The following CSGALNACT1 variants were observed in gnomAD, a reference collection of about 807,000 sequenced individuals.
CSGALNACT1 encodes chondroitin sulfate N-acetylgalactosaminyltransferase 1.
CSGALNACT1 carries 52 observed loss-of-function variants against 51.0 expected under a neutral mutation model. That is an observed-to-expected ratio of 1.02 (90% CI 0.82 to 1.29). The LOEUF (loss-of-function observed/expected upper bound fraction) is 1.29. Ranked by LOEUF, CSGALNACT1 falls within the 50% of genes most tolerant of loss-of-function variation. The pLI, the probability that CSGALNACT1 is intolerant of heterozygous loss-of-function variation, is 0.00. For synonymous variants in CSGALNACT1, 341 were observed against 254.4 expected (o/e 1.34, Z -3.24); for missense variants, 935 against 679.2 (o/e 1.38, Z -4.19).
At chr8:19,733,943 G>A (rs1230726332) in intron 1 of CSGALNACT1, among the ~76,000 whole-genome samples, 2 of 152,098 alleles carry the variant, frequency 1.3e-5, no homozygotes, top group Non-Finnish European at 2.9e-5. Context: ...CCAAACCATA[G>A]AGGAGGCCAG....
chr8:19,652,231 A>G lies in CSGALNACT1; in HGVS notation c.-544+30242T>C, dbSNP rs113736253. Among the ~76,000 whole-genome samples the G allele has an allele frequency of 4.4e-3, 666 of 152,316 alleles. 4 individuals are homozygous for G. Among genetic ancestry groups the G allele is most frequent in the African/African-American group, 0.015 (613 of 41,568 alleles). Reference sequence around the variant, plus strand: ...CTCCCAAAGTACTAAGATTACAGGCATGAGCCACCATATCAGGCCTGCTTT... The same window carrying G: ...CTCCCAAAGTACTAAGATTACAGGCGTGAGCCACCATATCAGGCCTGCTTT... On this transcript the variant is annotated intron_variant, in intron 1 of 9. Coordinates refer to the CSGALNACT1 transcript ENST00000332246.
At chr8:19,619,282 A>G (rs796887987) in intron 1 of CSGALNACT1, among the ~76,000 whole-genome samples, 1 of 151,782 alleles carries the variant, frequency 6.6e-6, no homozygotes, top group South Asian at 2.1e-4. Flanking sequence ...AAGCACAGAC[A>G]TGAGAAAGCA....
At chr8:19,691,084 C>G (rs1053357184) in intron 1 of CSGALNACT1, among the ~76,000 whole-genome samples, 1 of 152,140 alleles carries the variant, frequency 6.6e-6, no homozygotes, top group African/African-American at 2.4e-5. Context: ...AGAGTGAGAC[C>G]TAGTCTCAAA....
intron 6 of CSGALNACT1, among the ~76,000 whole-genome samples, chr8:19,425,273 G>T (rs909019219): frequency 5.3e-5 from 8 of 152,140 alleles, no homozygotes; most frequent in African/African-American, 1.9e-4. Context: ...TCTGGGAAAT[G>T]GAGGTTGCTG....
chr8:19,627,595 A>G (rs1335665748), intron 1 of CSGALNACT1, among the ~76,000 whole-genome samples: 1 of 152,204 alleles, frequency 6.6e-6, no homozygotes, highest in African/African-American at 2.4e-5. Context: ...AGGCTGAAGC[A>G]GAAGGATCAC....
chr8:19,591,321 C>T (rs1467884323), intron 2 of CSGALNACT1: 2 of 152,096 alleles, frequency 1.3e-5, no homozygotes, highest in Non-Finnish European at 2.9e-5. Context: ...TTAAATACAC[C>T]CTAAGTACAG....
At chr8:19,512,381 T>G (rs2078634569) in intron 3 of CSGALNACT1, among the ~76,000 whole-genome samples, 1 of 152,210 alleles carries the variant, frequency 6.6e-6, no homozygotes, top group Admixed American at 6.5e-5. Flanking sequence ...ACTATCCAGC[T>G]AAGCTGCTCC....
chr8:19,676,980 G>A (rs1028145978), intron 1 of CSGALNACT1, among the ~76,000 whole-genome samples: 8 of 152,188 alleles, frequency 5.3e-5, no homozygotes, highest in Non-Finnish European at 8.8e-5. Flanking sequence ...GACCAGTCTC[G>A]TAGAGGACTA....
intron 6 of CSGALNACT1, among the ~76,000 whole-genome samples, chr8:19,428,625 C>G (rs2153718824): frequency 6.6e-6 from 1 of 152,270 alleles, no homozygotes; most frequent in African/African-American, 2.4e-5. Flanking sequence ...GTAAGCTGCC[C>G]TACATAAGGA....
At chr8:19,557,106 G>A (rs752480115) in intron 3 of CSGALNACT1, among the ~76,000 whole-genome samples, 97 of 151,900 alleles carry the variant, frequency 6.4e-4, no homozygotes, top group African/African-American at 2.1e-3. Flanking sequence ...CATCACTGTT[G>A]AGGTGCCTGG....
chr8:19,556,353 G>A (rs563907865), intron 3 of CSGALNACT1, among the ~76,000 whole-genome samples: 102 of 150,090 alleles, frequency 6.8e-4, no homozygotes, highest in African/African-American at 2.5e-3. Flanking sequence ...CTCCAGCCTA[G>A]GCAACAAGAG....
At chr8:19,424,123 T>G (rs1018870437) in intron 6 of CSGALNACT1, among the ~76,000 whole-genome samples, 2 of 152,206 alleles carry the variant, frequency 1.3e-5, no homozygotes, top group Non-Finnish European at 2.9e-5. Flanking sequence ...AGAGCTGCTC[T>G]GAAGCCCTGA....
chr8:19,497,243 T>C (rs764062699), intron 4 of CSGALNACT1, among the ~76,000 whole-genome samples: 9 of 152,112 alleles, frequency 5.9e-5, no homozygotes, highest in Non-Finnish European at 1.3e-4. Context: ...CAGCAGAATA[T>C]TGCTGGGAGT....
intron 4 of CSGALNACT1, among the ~76,000 whole-genome samples, chr8:19,489,133 C>T (rs1034169288): frequency 2.0e-5 from 3 of 152,086 alleles, no homozygotes; most frequent in Non-Finnish European, 4.4e-5. Context: ...CCTAGTCAGA[C>T]ACAGGGTGTC....
rs779980177 is a variant in CSGALNACT1, at chr8:19,439,925, C to T, written c.858G>A (p.Met286Ile). The change falls in exon 6 of 10, where the codon ATG becomes ATA. Residue 286 changes from methionine (M) to isoleucine (I), a missense_variant. Physicochemically the swap from Met to Ile is conservative, Grantham distance 10 (BLOSUM62 1). Transcript: ENST00000454498. ...GGACTCTCCCATCCTGCTCAATGCACATCTCCCTGGAAAACAAAACACATG... is the reference window on the plus strand; with the variant it reads ...GGACTCTCCCATCCTGCTCAATGCATATCTCCCTGGAAAACAAAACACATG... 3 of 1,613,742 alleles carry T rather than the reference C, an allele frequency of 1.9e-6. No individual in the cohort carries two copies. In the Admixed American group the frequency reaches 5.0e-5, roughly 27 times the overall value.
At chr8:19,481,767 A>G (rs2071464811) in intron 4 of CSGALNACT1, among the ~76,000 whole-genome samples, 1 of 152,230 alleles carries the variant, frequency 6.6e-6, no homozygotes, top group South Asian at 2.1e-4. Flanking sequence ...CACAGGTGAC[A>G]GGACTAGAAC....
At chr8:19,612,354 C>G (rs1006021701) in intron 1 of CSGALNACT1, among the ~76,000 whole-genome samples, 3 of 149,882 alleles carry the variant, frequency 2.0e-5, no homozygotes, top group Admixed American at 2.0e-4. Flanking sequence ...AAAAAAAAAA[C>G]TAATTGAAAA....
upstream of CSGALNACT1, among the ~76,000 whole-genome samples, chr8:19,606,360 C>G (rs114850536): frequency 0.024 from 3,695 of 152,256 alleles, 156 homozygotes; most frequent in African/African-American, 0.084. Flanking sequence ...GGGATAGGGT[C>G]AGGAACTATA....
chr8:19,571,063 C>T (rs2042922271), intron 3 of CSGALNACT1, among the ~76,000 whole-genome samples: 1 of 152,146 alleles, frequency 6.6e-6, no homozygotes, highest in Admixed American at 6.5e-5. Context: ...CCTCAACCTC[C>T]CAGGCTCAGG....
Sources: gnomAD v4.1 joint callset for allele counts (sites outside exome capture counted in the v4.1 genomes callset) on GRCh38, gnomAD v4.1.1 for gene constraint, MANE v1.5 for transcripts, NCBI Gene and HGNC (gene_info 2026-07-23, HGNC 2026-07-21) for gene names.